The following ACOT13 variants were observed in gnomAD, a reference collection of about 807,000 sequenced individuals.
The protein encoded by ACOT13 is acyl-CoA thioesterase 13.
Under a neutral mutation model 11.8 loss-of-function variants are expected in ACOT13, and 10 were observed. The ratio of observed to expected loss-of-function variants is 0.85; its 90% CI spans 0.53 to 1.44. The LOEUF is 1.44. Among genes scored for constraint, ACOT13 ranks in the 40% most tolerant of loss-of-function variants. The pLI, the probability that ACOT13 is intolerant of heterozygous loss-of-function variation, is 0.00. For missense variants in ACOT13, 172 were observed against 174.1 expected (o/e 0.99, Z 0.07); for synonymous variants, 53 against 61.0 (o/e 0.87, Z 0.61).
chr6:24,669,500 C>T (rs1014293655), intron 1 of ACOT13, among the ~76,000 whole-genome samples: 1 of 152,156 alleles, frequency 6.6e-6, no homozygotes, highest in African/African-American at 2.4e-5. Context: ...TTCCTTTTAA[C>T]TTAGTGATTT....
At chr6:24,691,536 C>G (rs1778718127) in intron 1 of ACOT13, among the ~76,000 whole-genome samples, 1 of 151,982 alleles carries the variant, frequency 6.6e-6, no homozygotes, top group South Asian at 2.1e-4. Flanking sequence ...TTAAATCCAC[C>G]CCCCACCCTG....
rs116448019 is a variant in ACOT13 at position 24,696,496 on chromosome 6, G to A, written c.82-1387G>A. Among the ~76,000 whole-genome samples, 417 of 152,210 alleles carry A rather than the reference G, an allele frequency of 2.7e-3. 2 individuals are homozygous for A. Among genetic ancestry groups the A allele is most frequent in the African/African-American group, 9.2e-3 (381 of 41,534 alleles). On this transcript the variant is annotated intron_variant, in intron 1 of 2. Coordinates refer to ENST00000230048, the MANE Select transcript of ACOT13 (RefSeq NM_018473.4). ...TAGCATATCAAAGTGCCTAATAAAT[G>A]GTACTTATCTAGAATATAACCAACC... is the stretch of plus-strand genomic sequence containing the variant.
At chr6:24,701,371 T>A in intron 2 of ACOT13, 88 bp from the exon 3 acceptor site, 1 of 1,203,794 alleles carries the variant, frequency 8.3e-7, no homozygotes, top group Non-Finnish European at 1.2e-6. Context: ...AGGAGTAAAA[T>A]AAGTTACATA....
intron 1 of ACOT13, among the ~76,000 whole-genome samples, chr6:24,668,991 A>G (rs1026709237): frequency 6.6e-6 from 1 of 152,238 alleles, no homozygotes; most frequent in African/African-American, 2.4e-5. Context: ...CTAGGAAGTC[A>G]GCGTGAAACA....
rs1361194683 is a variant in ACOT13 at position 24,704,563 on chromosome 6, G to C, written c.*2948G>C. On this transcript the variant is annotated 3_prime_UTR_variant, in exon 3 of 3. Coordinates refer to ENST00000230048, the MANE Select transcript of ACOT13 (RefSeq NM_018473.4). Reference sequence around the variant, plus strand: ...AAGACAAGAGCTTAGAAGAGTACCTGGTTATAATAAACATTCAAAATGTTA... The same window carrying C: ...AAGACAAGAGCTTAGAAGAGTACCTCGTTATAATAAACATTCAAAATGTTA... 6.6e-6 allele frequency: 1 copy of C among 152,124 alleles called. No individual in the cohort carries two copies. Among genetic ancestry groups the C allele is most frequent in the East Asian group, 1.9e-4 (1 of 5,184 alleles). The allele number at this position is 152,124 out of a possible 1,614,324, so 9.4% of individuals were successfully genotyped here. A position where few individuals can be genotyped will look rare whatever the true frequency, so the allele number is the denominator to read the frequency against.
At position 24,703,619 on chromosome 6, in the gene ACOT13, G is replaced by A. The variant is rs561099329; in HGVS notation, c.*2004G>A. ...TCTCTTACAACAAATGCTGTAAATGGACAAAGCATTAGATTTGGAAAATCA... is the reference window on the plus strand; with the variant it reads ...TCTCTTACAACAAATGCTGTAAATGAACAAAGCATTAGATTTGGAAAATCA... On this transcript the variant is annotated 3_prime_UTR_variant, in exon 3 of 3. Coordinates refer to ENST00000230048, the MANE Select transcript of ACOT13 (RefSeq NM_018473.4). 2.6e-5 allele frequency: 4 copies of A among 152,202 alleles called. No individual in the cohort carries two copies. In the South Asian group the frequency reaches 8.3e-4, roughly 32 times the overall value. The allele number at this position is 152,202 out of a possible 1,614,324, so 9.4% of individuals were successfully genotyped here.
chr6:24,672,354 T>C (rs1354698527), intron 1 of ACOT13, among the ~76,000 whole-genome samples: 1 of 152,194 alleles, frequency 6.6e-6, no homozygotes, highest in Non-Finnish European at 1.5e-5. Context: ...TAAGATATAA[T>C]TTCTAACTGG....
chr6:24,698,858 G>T (rs1409207233), intron 2 of ACOT13, among the ~76,000 whole-genome samples: 2 of 152,088 alleles, frequency 1.3e-5, no homozygotes, highest in Non-Finnish European at 2.9e-5. Flanking sequence ...GGCTGGTCTT[G>T]AACTCCTGAC....
At chr6:24,681,494 AC>A (rs1562157848) in intron 1 of ACOT13, among the ~76,000 whole-genome samples, 1 of 54,610 alleles carries the variant, frequency 1.8e-5, no homozygotes, top group Admixed American at 2.1e-4. Flanking sequence ...AATAGGGCAC[AC>A]TTTTTTTTTT....
intron 1 of ACOT13, among the ~76,000 whole-genome samples, chr6:24,680,349 G>C (rs1483145231): frequency 6.6e-6 from 1 of 152,082 alleles, no homozygotes; most frequent in Non-Finnish European, 1.5e-5. Context: ...AGCGTCTGAG[G>C]GTCAAATTGG....
intron 1 of ACOT13, among the ~76,000 whole-genome samples, chr6:24,669,566 A>T (rs1031550892): frequency 1.8e-4 from 27 of 151,742 alleles, no homozygotes; most frequent in Middle Eastern, 3.4e-3. Context: ...TTTAAAAAAA[A>T]TTTTTTTTTG....
intron 1 of ACOT13, among the ~76,000 whole-genome samples, chr6:24,679,615 A>T (rs150072204): frequency 6.6e-6 from 1 of 152,136 alleles, no homozygotes; most frequent in Non-Finnish European, 1.5e-5. Flanking sequence ...CTGTGTCCCA[A>T]TGAGGGTCTA....
At chr6:24,687,216 C>A (rs185413374) in intron 1 of ACOT13, among the ~76,000 whole-genome samples, 34 of 152,326 alleles carry the variant, frequency 2.2e-4, no homozygotes, top group Non-Finnish European at 2.4e-4. Context: ...TCCATTTCTC[C>A]TTGCCCCCAG....
At chr6:24,695,191 C>T (rs1190514384) in intron 1 of ACOT13, among the ~76,000 whole-genome samples, 2 of 152,080 alleles carry the variant, frequency 1.3e-5, no homozygotes, top group Non-Finnish European at 2.9e-5. Context: ...CACCTGTAGT[C>T]CCATCTACTC....
intron 1 of ACOT13, among the ~76,000 whole-genome samples, chr6:24,688,651 A>T (rs1462487512): frequency 6.6e-6 from 1 of 152,216 alleles, no homozygotes; most frequent in African/African-American, 2.4e-5. Context: ...CTGTGTTACT[A>T]TAAGTCACAT....
chr6:24,669,946 G>T, intron 1 of ACOT13, among the ~76,000 whole-genome samples: 1 of 150,728 alleles, frequency 6.6e-6, no homozygotes, highest in East Asian at 1.9e-4. Flanking sequence ...CTCCTAATTA[G>T]GAAAAAAAAG....
intron 1 of ACOT13, chr6:24,687,441 G>T: frequency 8.0e-7 from 1 of 1,242,394 alleles, no homozygotes. Flanking sequence ...AATATCAACT[G>T]ACACGCACTG....
Position 24,693,726 on chromosome 6 carries a change from CTTTT to C in ACOT13, c.82-4145_82-4142del, listed in dbSNP as rs879806313. ...GGTGAGGGGCTATGGCAACCTGAGT[CTTTT>C]TTTTTTTTTTTGAGACGGAGTCTCA... On this transcript the variant is annotated intron_variant, in intron 1 of 2. Coordinates refer to ENST00000230048, the MANE Select transcript of ACOT13 (RefSeq NM_018473.4). 7.8e-3 allele frequency among the ~76,000 whole-genome samples: 1,100 copies of C among 140,300 alleles called. 12 individuals are homozygous for C. The highest frequency in any genetic ancestry group is 0.026 in the African/African-American group (1,023 of 38,618). The allele number at this position is 140,300 out of a possible 152,430, so 92.0% of individuals were successfully genotyped here.
chr6:24,678,663 A>G (rs188371030), intron 1 of ACOT13, among the ~76,000 whole-genome samples: 20 of 152,322 alleles, frequency 1.3e-4, no homozygotes, highest in Non-Finnish European at 2.6e-4. Context: ...TCCTATGTTC[A>G]GATATATAAT....
Sources: gnomAD v4.1 joint callset for allele counts (sites outside exome capture counted in the v4.1 genomes callset) on GRCh38, gnomAD v4.1.1 for gene constraint, MANE v1.5 for transcripts, NCBI Gene and HGNC (gene_info 2026-07-23, HGNC 2026-07-21) for gene names.